KCNIP4: variants seen among roughly 807,000 people sequenced by gnomAD.
KCNIP4 encodes Kv channel-interacting protein 4.
KCNIP4 carries 12 observed loss-of-function variants against 34.0 expected under a neutral mutation model. The ratio of observed to expected loss-of-function variants is 0.35; its 90% CI spans 0.23 to 0.57. The LOEUF is 0.57. KCNIP4 is among the 20% of genes least tolerant of loss of function. The probability of loss-of-function intolerance (pLI) is 0.83; values close to 1 mark genes in which losing one functional copy is unlikely to be tolerated. For synonymous variants in KCNIP4, 124 were observed against 102.2 expected (o/e 1.21, Z -1.29); for missense variants, 238 against 311.7 (o/e 0.76, Z 1.78).
chr4:20,842,581 C>CAAAA (rs59134256), intron 3 of KCNIP4, among the ~76,000 whole-genome samples: 1 of 69,688 alleles, frequency 1.4e-5, no homozygotes. Flanking sequence ...CTTCTAATGG[C>CAAAA]AAAAAAAAAA....
chr4:21,694,657 C>G (rs1281802050), intron 1 of KCNIP4, among the ~76,000 whole-genome samples: 1 of 151,884 alleles, frequency 6.6e-6, no homozygotes, highest in Non-Finnish European at 1.5e-5. Context: ...ATCCTAGACA[C>G]TGCCACAACT....
At chr4:20,987,874 G>T (rs1311529978) in intron 1 of KCNIP4, among the ~76,000 whole-genome samples, 1 of 151,230 alleles carries the variant, frequency 6.6e-6, no homozygotes, top group Admixed American at 6.6e-5. Flanking sequence ...GGTGGTGGGC[G>T]CCTGTAGTCC....
chr4:20,755,367 T>A (rs1754307898), intron 4 of KCNIP4, among the ~76,000 whole-genome samples: 1 of 152,216 alleles, frequency 6.6e-6, no homozygotes, highest in African/African-American at 2.4e-5. Context: ...AACTAATACT[T>A]AAGTGCTGTA....
At chr4:20,956,647 TAAGC>T (rs1380231189) in intron 1 of KCNIP4, among the ~76,000 whole-genome samples, 2 of 152,222 alleles carry the variant, frequency 1.3e-5, no homozygotes, top group African/African-American at 2.4e-5. Context: ...GAGAGGAATC[TAAGC>T]AAGAAAATAA....
At chr4:20,826,699 G>T (rs1251538076) in intron 3 of KCNIP4, among the ~76,000 whole-genome samples, 1 of 152,130 alleles carries the variant, frequency 6.6e-6, no homozygotes, top group Non-Finnish European at 1.5e-5. Flanking sequence ...CCTTAACTTT[G>T]ACCCAGAAGA....
At chr4:21,920,431 T>C (rs866867548) in intron 1 of KCNIP4, among the ~76,000 whole-genome samples, 4 of 152,126 alleles carry the variant, frequency 2.6e-5, no homozygotes, top group Admixed American at 6.6e-5. Flanking sequence ...AATTCAAGTA[T>C]ACAGAGTGAT....
At chr4:21,516,678 GA>G (rs1354680698) in intron 1 of KCNIP4, among the ~76,000 whole-genome samples, 1 of 152,166 alleles carries the variant, frequency 6.6e-6, no homozygotes, top group Non-Finnish European at 1.5e-5. Context: ...TTGTGTCTGG[GA>G]AGAGTTTTCG....
rs560860090 is a variant in KCNIP4 at position 21,159,447 on chromosome 4, G to A, written c.62-276738C>T. ...AGCTCCGGTCTACAGCTCCCAGCGT[G>A]AGCGACGCAGAAGACGGTGATTTCT... On this transcript the variant is annotated intron_variant, in intron 1 of 8. Coordinates refer to ENST00000382152, the MANE Select transcript of KCNIP4 (RefSeq NM_025221.6). Among the ~76,000 whole-genome samples, 8 of 79,006 alleles carry A rather than the reference G, an allele frequency of 1.0e-4. 3 individuals are homozygous for A. In the East Asian group the frequency reaches 2.3e-3, roughly 22 times the overall value. The allele number at this position is 79,006 out of a possible 152,430, so 51.8% of individuals were successfully genotyped here. A position where few individuals can be genotyped will look rare whatever the true frequency, so the allele number is the denominator to read the frequency against.
At chr4:21,604,158 T>G (rs1427373016) in intron 1 of KCNIP4, among the ~76,000 whole-genome samples, 1 of 152,154 alleles carries the variant, frequency 6.6e-6, no homozygotes, top group African/African-American at 2.4e-5. Flanking sequence ...TAATATACCT[T>G]CTATTACTAC....
intron 1 of KCNIP4, among the ~76,000 whole-genome samples, chr4:21,078,594 G>A (rs1745720192): frequency 6.6e-6 from 1 of 151,940 alleles, no homozygotes; most frequent in Admixed American, 6.6e-5. Flanking sequence ...TTGGAGATTA[G>A]GAACTTAACA....
chr4:21,567,712 T>C (rs1740021331), intron 1 of KCNIP4, among the ~76,000 whole-genome samples: 1 of 152,062 alleles, frequency 6.6e-6, no homozygotes, highest in Non-Finnish European at 1.5e-5. Context: ...TTAAAAACAA[T>C]ACCTTTCCAT....
At chr4:21,769,614 G>A (rs1419630391) in intron 1 of KCNIP4, among the ~76,000 whole-genome samples, 1 of 152,044 alleles carries the variant, frequency 6.6e-6, no homozygotes, top group East Asian at 1.9e-4. Context: ...TATTTTTCCT[G>A]TGGCAGTTCA....
intron 3 of KCNIP4, 136 bp from the exon 4 acceptor site, chr4:20,759,026 G>A: frequency 6.6e-6 from 4 of 606,262 alleles, no homozygotes; most frequent in Admixed American, 3.1e-5. Flanking sequence ...ATTACAAAGG[G>A]AATAAAAGCA....
At chr4:21,885,357 T>C (rs766595752) in intron 1 of KCNIP4, among the ~76,000 whole-genome samples, 1 of 152,100 alleles carries the variant, frequency 6.6e-6, no homozygotes, top group Non-Finnish European at 1.5e-5. Flanking sequence ...TTATGAAAAA[T>C]ACAGATGCCA....
chr4:21,689,819 T>C (rs1287523686), intron 1 of KCNIP4, among the ~76,000 whole-genome samples: 2 of 152,066 alleles, frequency 1.3e-5, no homozygotes, highest in East Asian at 1.9e-4. Context: ...CCTACTCTCA[T>C]ATTTGTTCTT....
chr4:21,773,396 A>T (rs1405136544), intron 1 of KCNIP4, among the ~76,000 whole-genome samples: 3 of 152,128 alleles, frequency 2.0e-5, no homozygotes, highest in Non-Finnish European at 2.9e-5. Flanking sequence ...TATTCTGTTG[A>T]TTTTGGGTAG....
intron 1 of KCNIP4, among the ~76,000 whole-genome samples, chr4:21,877,806 A>G (rs1726220800): frequency 6.6e-6 from 1 of 152,176 alleles, no homozygotes. Flanking sequence ...TTTTACAAGA[A>G]TATCTCTTAG....
At chr4:21,394,699 T>C (rs1722839178) in intron 1 of KCNIP4, among the ~76,000 whole-genome samples, 1 of 152,194 alleles carries the variant, frequency 6.6e-6, no homozygotes, top group Admixed American at 6.5e-5. Context: ...CACTGAGTTC[T>C]AGTTCTGTTC....
chr4:21,537,742 A>T (rs1323262616), intron 1 of KCNIP4, among the ~76,000 whole-genome samples: 2 of 152,058 alleles, frequency 1.3e-5, no homozygotes, highest in African/African-American at 4.8e-5. Flanking sequence ...GACCTGGCGC[A>T]GTAGCTCACG....
Sources: allele counts gnomAD v4.1 joint callset (sites outside exome capture counted in the v4.1 genomes callset), GRCh38; gene constraint gnomAD v4.1.1; transcripts MANE v1.5; gene names NCBI Gene and HGNC (gene_info 2026-07-23, HGNC 2026-07-21).